Variants in HSD17B12 observed in about 807,000 individuals in gnomAD.
HSD17B12 encodes very-long-chain 3-oxoacyl-CoA reductase.
In HSD17B12, 32 loss-of-function variants were observed where a neutral mutation model predicts 39.3. That is an observed-to-expected ratio of 0.81 (90% CI 0.61 to 1.09). The LOEUF (loss-of-function observed/expected upper bound fraction) is 1.09. Ranked by LOEUF, HSD17B12 falls within the 50% of genes least tolerant of loss-of-function variation. The pLI, the probability that HSD17B12 is intolerant of heterozygous loss-of-function variation, is 0.00. For missense variants in HSD17B12, 342 were observed against 382.9 expected (o/e 0.89, Z 0.89); for synonymous variants, 150 against 146.7 (o/e 1.02, Z -0.16).
At position 43,754,118 on chromosome 11, in the gene HSD17B12, A is replaced by C; in HGVS notation, c.280A>C (p.Ile94Leu). Residue 94 changes from isoleucine (I) to leucine (L), a missense_variant, in exon 3 of 11, where the codon ATA becomes CTA. Ile to Leu is a conservative substitution (Grantham distance 5). Coordinates refer to ENST00000278353, the MANE Select transcript of HSD17B12 (RefSeq NM_016142.3). ...KDKLDQVSSE[I>L]KEKFKVETRT... ...TAAACTTGACCAGGTTTCCAGTGAA[A>C]TAAGTAAGTTCTCACATCAAACAAA... 1 of 1,605,470 alleles carries C rather than the reference A, an allele frequency of 6.2e-7. No individual in the cohort carries two copies. Among genetic ancestry groups the C allele is most frequent in the Non-Finnish European group, 8.5e-7 (1 of 1,172,844 alleles).
chr11:43,679,533 C>T (rs533864111), upstream of HSD17B12, among the ~76,000 whole-genome samples: 1 of 152,090 alleles, frequency 6.6e-6, no homozygotes, highest in Non-Finnish European at 1.5e-5. Flanking sequence ...ACTTTGCTAA[C>T]GTAGTTCCCA....
upstream of HSD17B12, among the ~76,000 whole-genome samples, chr11:43,677,585 TC>T (rs1268926808): frequency 6.6e-6 from 1 of 151,762 alleles, no homozygotes; most frequent in Non-Finnish European, 1.5e-5. Context: ...ATGCTATTCC[TC>T]CCCACCCCCC....
chr11:43,842,323 G>A (rs1476108911), intron 9 of HSD17B12, among the ~76,000 whole-genome samples: 1 of 152,146 alleles, frequency 6.6e-6, no homozygotes, highest in Non-Finnish European at 1.5e-5. Context: ...ATGAAAGGAA[G>A]GGGGGATGAC....
chr11:43,676,328 A>C (rs536297702), upstream of HSD17B12, among the ~76,000 whole-genome samples: 2 of 152,248 alleles, frequency 1.3e-5, no homozygotes, highest in South Asian at 4.2e-4. Flanking sequence ...AGGTGGATAT[A>C]TATACTGTAT....
At chr11:43,772,448 CATT>C (rs1394044375) in intron 3 of HSD17B12, among the ~76,000 whole-genome samples, 1 of 152,158 alleles carries the variant, frequency 6.6e-6, no homozygotes, top group African/African-American at 2.4e-5. Context: ...AGTGTTAAAA[CATT>C]ATTAATTGAA....
At chr11:43,820,338 A>G (rs1035396658) in intron 6 of HSD17B12, among the ~76,000 whole-genome samples, 4 of 152,228 alleles carry the variant, frequency 2.6e-5, no homozygotes, top group Admixed American at 1.3e-4. Flanking sequence ...TTATACTGAG[A>G]GAAAGGCATT....
At chr11:43,640,130 A>G in the HSD17B12 span, among the ~76,000 whole-genome samples, 1 of 152,098 alleles carries the variant, frequency 6.6e-6, no homozygotes, top group African/African-American at 2.4e-5. Context: ...GGTCTGTTAA[A>G]AAAAAAAGTG....
intron 9 of HSD17B12, among the ~76,000 whole-genome samples, chr11:43,843,515 T>C (rs1236648965): frequency 3.3e-5 from 5 of 152,210 alleles, no homozygotes; most frequent in Admixed American, 3.3e-4. Context: ...GCCATCTCCT[T>C]TCTTGCCACT....
rs1289998708 is a variant in HSD17B12, at chr11:43,831,609, T to C, written c.536+599T>C. 2 of 152,208 alleles carry C rather than the reference T, an allele frequency of 1.3e-5. No homozygotes were observed. The highest frequency in any genetic ancestry group is 2.4e-5 in the African/African-American group (1 of 41,444). The allele number at this position is 152,208 out of a possible 1,614,324, so 9.4% of individuals were successfully genotyped here. A position where few individuals can be genotyped will look rare whatever the true frequency, so the allele number is the denominator to read the frequency against. On this transcript the variant is annotated intron_variant, in intron 7 of 10. Coordinates refer to ENST00000278353, the MANE Select transcript of HSD17B12 (RefSeq NM_016142.3). This position sits in a 1 kb window ranked among gnomAD's most constrained non-coding sequence, Gnocchi z 4.1. Reference sequence around the variant, plus strand: ...CTGTTATCTGAAATAGCATGAAGTGTAGAATTGTAATTAAGCTGTTTCTTC... The same window carrying C: ...CTGTTATCTGAAATAGCATGAAGTGCAGAATTGTAATTAAGCTGTTTCTTC...
At chr11:43,621,572 G>A in the HSD17B12 span, among the ~76,000 whole-genome samples, 2 of 152,084 alleles carry the variant, frequency 1.3e-5, no homozygotes, top group African/African-American at 4.8e-5. Context: ...AAAGCTTGCT[G>A]GGCAAGTTGG....
chr11:43,746,182 A>G (rs1444238152), intron 1 of HSD17B12, among the ~76,000 whole-genome samples: 1 of 152,178 alleles, frequency 6.6e-6, no homozygotes, highest in African/African-American at 2.4e-5. Flanking sequence ...CTTGGGCTAT[A>G]CTGAATTTAT....
the HSD17B12 span, among the ~76,000 whole-genome samples, chr11:43,609,175 A>G: frequency 6.6e-6 from 1 of 151,826 alleles, no homozygotes; most frequent in Non-Finnish European, 1.5e-5. Flanking sequence ...CCTTGGCTCA[A>G]GTGATCTGCC....
At chr11:43,723,777 C>G (rs1014784312) in intron 1 of HSD17B12, among the ~76,000 whole-genome samples, 1 of 152,120 alleles carries the variant, frequency 6.6e-6, no homozygotes, top group Non-Finnish European at 1.5e-5. Flanking sequence ...AGGTCTGCAG[C>G]GCAGTGGTTT....
At chr11:43,839,539 T>A (rs1164553076) in intron 8 of HSD17B12, among the ~76,000 whole-genome samples, 1 of 152,122 alleles carries the variant, frequency 6.6e-6, no homozygotes, top group Non-Finnish European at 1.5e-5. Context: ...CCTCTATACT[T>A]CTTGGATCTT....
At chr11:43,607,842 C>T in the HSD17B12 span, among the ~76,000 whole-genome samples, 9 of 152,012 alleles carry the variant, frequency 5.9e-5, no homozygotes, top group South Asian at 6.2e-4. Context: ...TTGATGGTGG[C>T]GGAAGAACGG....
chr11:43,707,091 C>T (rs1348160288), intron 1 of HSD17B12, among the ~76,000 whole-genome samples: 1 of 152,122 alleles, frequency 6.6e-6, no homozygotes, highest in Admixed American at 6.5e-5. Context: ...TAGGTTCTCT[C>T]CACACCCCAT....
chr11:43,594,231 A>G, the HSD17B12 span, among the ~76,000 whole-genome samples: 4 of 152,140 alleles, frequency 2.6e-5, no homozygotes, highest in Admixed American at 2.0e-4. Context: ...GTCCTGAATG[A>G]AGTATACAAC....
intron 1 of HSD17B12, among the ~76,000 whole-genome samples, chr11:43,712,375 T>G (rs1950075535): frequency 6.6e-6 from 1 of 152,074 alleles, no homozygotes; most frequent in Non-Finnish European, 1.5e-5. Context: ...TGTAGTGAGC[T>G]GAGATGTTGC....
the HSD17B12 span, among the ~76,000 whole-genome samples, chr11:43,671,618 TG>T: frequency 6.6e-6 from 1 of 152,252 alleles, no homozygotes; most frequent in Non-Finnish European, 1.5e-5. Context: ...TGTGCAATAT[TG>T]GTATGTCAAG....
Sources: gnomAD v4.1 joint callset for allele counts (sites outside exome capture counted in the v4.1 genomes callset) on GRCh38, gnomAD v4.1.1 for gene constraint, Gnocchi (gnomAD v3.1) non-coding constraint, MANE v1.5 for transcripts, NCBI Gene and HGNC (gene_info 2026-07-23, HGNC 2026-07-21) for gene names.